OLR1: variants seen among roughly 807,000 people sequenced by gnomAD.
OLR1 encodes oxidized low density lipoprotein receptor 1, also known as oxidized low-density lipoprotein receptor 1.
OLR1 carries 23 observed loss-of-function variants against 31.7 expected under a neutral mutation model. The ratio of observed to expected loss-of-function variants is 0.72; its 90% CI spans 0.52 to 1.03. OLR1 has a LOEUF of 1.03. Ranked by LOEUF, OLR1 falls within the 50% of genes least tolerant of loss-of-function variation. The pLI, the probability that OLR1 is intolerant of heterozygous loss-of-function variation, is 0.00. For missense variants in OLR1, 286 were observed against 315.7 expected, an observed-to-expected ratio of 0.91 and a Z score of 0.71; for synonymous variants, 117 against 115.8, an observed-to-expected ratio of 1.01 and a Z score of -0.07.
At chr12:10,171,757 A>C (rs61918077) in intron 1 of OLR1, among the ~76,000 whole-genome samples, 2,025 of 152,334 alleles carry the variant, frequency 0.013, 17 homozygotes, top group Non-Finnish European at 0.02. Flanking sequence ...GATTCTGAGA[A>C]ATAATACTCT....
At chr12:10,163,583 CTTT>C (rs58760994) in intron 3 of OLR1, among the ~76,000 whole-genome samples, 18 of 147,792 alleles carry the variant, frequency 1.2e-4, no homozygotes, top group Admixed American at 4.7e-4. Context: ...AAAAACTTGG[CTTT>C]TTTTTTTTTT....
intron 3 of OLR1, 76 bp from the exon 4 acceptor site, chr12:10,161,001 C>T: frequency 7.1e-7 from 1 of 1,405,276 alleles, no homozygotes; most frequent in Non-Finnish European, 9.9e-7. Context: ...ATCAATGATC[C>T]CCTTAGTTCT....
intron 3 of OLR1, among the ~76,000 whole-genome samples, chr12:10,165,456 T>C (rs1344933047): frequency 1.3e-5 from 2 of 151,462 alleles, no homozygotes; most frequent in Non-Finnish European, 2.9e-5. Flanking sequence ...ATAAAATAAG[T>C]TGATGTAGTA....
At chr12:10,169,628 C>T (rs1278406276) in intron 1 of OLR1, among the ~76,000 whole-genome samples, 1 of 152,142 alleles carries the variant, frequency 6.6e-6, no homozygotes, top group East Asian at 1.9e-4. Flanking sequence ...ACATAAATAT[C>T]AGACATCAAG....
At chr12:10,176,223 G>A (rs1948764408), upstream of OLR1, among the ~76,000 whole-genome samples, 1 of 152,020 alleles carries the variant, frequency 6.6e-6, no homozygotes, top group Admixed American at 6.6e-5. Context: ...GTTAGGGACA[G>A]GATTCAGAGT....
chr12:10,175,416 G>T (rs751351032), upstream of OLR1: 18 of 152,124 alleles, frequency 1.2e-4, no homozygotes, highest in Non-Finnish European at 2.2e-4. Context: ...CACCTTGACT[G>T]CAGCCTTGTG....
intron 3 of OLR1, among the ~76,000 whole-genome samples, chr12:10,162,670 A>G (rs1387043360): frequency 6.6e-6 from 1 of 152,132 alleles, no homozygotes; most frequent in Non-Finnish European, 1.5e-5. Flanking sequence ...TCTACAAAAA[A>G]CACAAAAATT....
rs35023147 is a variant in OLR1 at position 10,161,946 on chromosome 12, A to ATATATATATAT, written c.425-1022_425-1021insATATATATATA. On this transcript the variant is annotated intron_variant, in intron 3 of 5. Transcript: ENST00000309539. ...AATGATATATATATATATATATATA[A>ATATATATATAT]AAAACACATACTATATTTCTTTTGT... 5.5e-3 allele frequency among the ~76,000 whole-genome samples: 449 copies of ATATATATATAT among 82,068 alleles called. 1 individual carries two copies. The highest frequency in any genetic ancestry group is 0.012 in the African/African-American group (306 of 25,886). The allele number at this position is 82,068 out of a possible 152,430, so 53.8% of individuals were successfully genotyped here.
chr12:10,169,502 G>A (rs113781928), intron 1 of OLR1, among the ~76,000 whole-genome samples: 2 of 152,018 alleles, frequency 1.3e-5, no homozygotes, highest in African/African-American at 4.8e-5. Flanking sequence ...CTACTTTCCC[G>A]ACAATTACTC....
chr12:10,160,570 G>C (rs1292504091), intron 4 of OLR1, 108 bp from the exon 5 acceptor site: 7 of 1,011,818 alleles, frequency 6.9e-6, no homozygotes, highest in Non-Finnish European at 1.1e-5. Flanking sequence ...AGGTATCTTT[G>C]ACATCCCCTT....
chr12:10,171,343 G>A (rs1425767574), intron 1 of OLR1, among the ~76,000 whole-genome samples: 2 of 152,178 alleles, frequency 1.3e-5, no homozygotes, highest in African/African-American at 4.8e-5. Flanking sequence ...CAGATTGTCT[G>A]TGGAATTGGG....
intron 3 of OLR1, among the ~76,000 whole-genome samples, chr12:10,165,121 G>A (rs1044245587): frequency 2.6e-5 from 4 of 152,184 alleles, no homozygotes; most frequent in African/African-American, 4.8e-5. Context: ...AAATTAGCCA[G>A]GTGTGGTGGC....
chr12:10,160,906 C>T lies in OLR1; in HGVS notation c.444G>A (p.Trp148Ter). Residue 148 changes from tryptophan (W) to a stop codon, truncating the protein, a stop_gained, in exon 4 of 6, where the codon TGG becomes TGA. Coordinates refer to ENST00000309539, the MANE Select transcript of OLR1 (RefSeq NM_002543.4). LOFTEE classifies it high-confidence loss of function. ...ANCSAPCPQDWIWHGENCYLF... is the reference protein window; with the variant it reads ...ANCSAPCPQD ...GGTAACAGTTTTCTCCATGCCAGAT[C>T]CAGTCTTGCGGACAAGGAGCTGGGA... 1 of 1,614,092 alleles carries T rather than the reference C, an allele frequency of 6.2e-7. No individual in the cohort carries two copies. The highest frequency in any genetic ancestry group is 8.5e-7 in the Non-Finnish European group (1 of 1,179,956).
rs761802764 is a variant in OLR1 at position 10,169,122 on chromosome 12, C to A, written c.130G>T (p.Val44Phe). Reference protein sequence around the residue: ...WWCLAAATLGVLCLGLVVTIM... With the variant: ...WWCLAAATLGFLCLGLVVTIM... ...GTCACTACTAATCCCAGGCAAAGGA[C>A]CCCTAGAGTCGCAGCAGCCAGGCAC... Residue 44 changes from valine to phenylalanine, a missense_variant, in exon 2 of 6, where the codon GTC becomes TTC. Physicochemically the swap from Val to Phe is conservative, Grantham distance 50 (BLOSUM62 -1). Coordinates refer to ENST00000309539, the MANE Select transcript of OLR1 (RefSeq NM_002543.4). 3 of 1,613,920 alleles carry A rather than the reference C, an allele frequency of 1.9e-6. No individual in the cohort carries two copies. Among genetic ancestry groups the A allele is most frequent in the African/African-American group, 2.7e-5 (2 of 75,020 alleles).
chr12:10,164,358 T>C (rs1294917050), intron 3 of OLR1, among the ~76,000 whole-genome samples: 1 of 152,224 alleles, frequency 6.6e-6, no homozygotes, highest in Non-Finnish European at 1.5e-5. Context: ...TGTTCAAAAA[T>C]TTCTGCTAAT....
At chr12:10,175,748 T>C (rs1347057306), upstream of OLR1, among the ~76,000 whole-genome samples, 1 of 152,222 alleles carries the variant, frequency 6.6e-6, no homozygotes, top group Admixed American at 6.5e-5. Flanking sequence ...TGCTATATTA[T>C]TTATTTTTGA....
At chr12:10,161,946 A>ATATATATATATATAT (rs35023147) in intron 3 of OLR1, among the ~76,000 whole-genome samples, 70 of 82,106 alleles carry the variant, frequency 8.5e-4, no homozygotes, top group African/African-American at 2.5e-3. Context: ...TATATATATA[A>ATATATATATATATAT]AAAACACATA....
intron 3 of OLR1, among the ~76,000 whole-genome samples, chr12:10,164,876 T>C (rs1325124296): frequency 6.6e-6 from 1 of 152,226 alleles, no homozygotes; most frequent in Admixed American, 6.5e-5. Context: ...TCATTTCTTC[T>C]TATATAAATA....
intron 5 of OLR1, 97 bp downstream of exon 5, chr12:10,160,250 G>T: frequency 9.8e-7 from 1 of 1,023,528 alleles, no homozygotes; most frequent in Non-Finnish European, 1.5e-6. Context: ...CTGGCAAGAA[G>T]AGGACATTGG....
Sources: allele counts gnomAD v4.1 joint callset (sites outside exome capture counted in the v4.1 genomes callset), GRCh38; gene constraint gnomAD v4.1.1; transcripts MANE v1.5; gene names NCBI Gene and HGNC (gene_info 2026-07-23, HGNC 2026-07-21).